FAM177B: variants seen among roughly 807,000 people sequenced by gnomAD.
The protein encoded by FAM177B is protein FAM177B.
A neutral mutation model predicts 16.1 loss-of-function variants in FAM177B; 16 were observed. The observed-to-expected ratio is 0.99, with a 90% CI of 0.67 to 1.51. The LOEUF (loss-of-function observed/expected upper bound fraction) is 1.51, where lower values mean the gene tolerates loss of function less well. FAM177B is among the 40% of genes most tolerant of loss of function. FAM177B has a pLI of 0.00. For missense variants in FAM177B, 178 were observed against 183.7 expected (o/e 0.97, Z 0.18); for synonymous variants, 56 against 59.9 (o/e 0.93, Z 0.30).
intron 2 of FAM177B, among the ~76,000 whole-genome samples, chr1:222,740,351 C>T (rs1392984922): frequency 6.6e-6 from 1 of 152,098 alleles, no homozygotes; most frequent in Non-Finnish European, 1.5e-5. Context: ...GACTGACAGT[C>T]CATTTGCATT....
rs767614493 is a variant in FAM177B at position 222,743,986 on chromosome 1, AC to A, written c.-15-2540del. Among the ~76,000 whole-genome samples the A allele has an allele frequency of 2.0e-5, 3 of 151,346 alleles. No individual in the cohort carries two copies. The East Asian group carries it at 5.9e-4, about 30-fold the overall frequency. ...ATCTAGGCTGGCTGACTTGCTTTCAACCCCCTGCCCCTCTCTCTCTCATCTC... is the reference window on the plus strand; with the variant it reads ...ATCTAGGCTGGCTGACTTGCTTTCAACCCCTGCCCCTCTCTCTCTCATCTC... On this transcript the variant is annotated intron_variant, in intron 2 of 5. Transcript: ENST00000445590.
chr1:222,740,907 GC>G (rs1314877596), intron 2 of FAM177B, among the ~76,000 whole-genome samples: 1 of 152,048 alleles, frequency 6.6e-6, no homozygotes, highest in Non-Finnish European at 1.5e-5. Context: ...CACCGTGTTA[GC>G]CAGGATGGTC....
intron 2 of FAM177B, among the ~76,000 whole-genome samples, chr1:222,742,062 TCTGTAA>T (rs150699132): frequency 5.8e-4 from 88 of 151,840 alleles, no homozygotes; most frequent in South Asian, 2.3e-3. Context: ...CACCTCAACC[TCTGTAA>T]CTGCTAGGAT....
intron 1 of FAM177B, among the ~76,000 whole-genome samples, chr1:222,737,620 G>T (rs1056675088): frequency 2.0e-5 from 3 of 152,132 alleles, no homozygotes; most frequent in East Asian, 1.9e-4. Flanking sequence ...AGCTCGTAGG[G>T]GTTAGGTATA....
chr1:222,750,488 C>A lies in FAM177B; in HGVS notation c.*430C>A, dbSNP rs754680683. The A allele has an allele frequency of 1.8e-4, 179 of 991,748 alleles. No individual in the cohort carries two copies. Among genetic ancestry groups the A allele is most frequent in the Non-Finnish European group, 2.1e-4 (177 of 834,588 alleles). The allele number at this position is 991,748 out of a possible 1,614,324, so 61.4% of individuals were successfully genotyped here. On this transcript the variant is annotated 3_prime_UTR_variant, in exon 6 of 6. Transcript: ENST00000445590. ...GGCACCGCAAAGTCTAAATAAATCC[C>A]CTTTCAGGATTTGATATAGTGTGTA...
chr1:222,744,540 A>G (rs1658705475), intron 2 of FAM177B, among the ~76,000 whole-genome samples: 1 of 152,058 alleles, frequency 6.6e-6, no homozygotes, highest in East Asian at 1.9e-4. Flanking sequence ...ACTGCCTGAC[A>G]TATACACTGC....
At chr1:222,746,880 C>A in intron 3 of FAM177B, 135 bp from the exon 4 acceptor site, 2 of 882,286 alleles carry the variant, frequency 2.3e-6, no homozygotes, top group Non-Finnish European at 3.6e-6. Context: ...CAATTTTAAT[C>A]ATCTTGGTCT....
chr1:222,743,877 A>G (rs1202878625), intron 2 of FAM177B, among the ~76,000 whole-genome samples: 1 of 152,104 alleles, frequency 6.6e-6, no homozygotes, highest in Non-Finnish European at 1.5e-5. Context: ...TCCAGCTCCA[A>G]GGCCTATATC....
Position 222,746,427 on chromosome 1 carries a change from G to A in FAM177B, c.-15-104G>A. 3.3e-6 allele frequency: 2 copies of A among 610,830 alleles called. 1 individual carries two copies. The highest frequency in any genetic ancestry group is 4.9e-5 in the South Asian group (2 of 40,910). The allele number at this position is 610,830 out of a possible 1,614,324, so 37.8% of individuals were successfully genotyped here. A position where few individuals can be genotyped will look rare whatever the true frequency, so the allele number is the denominator to read the frequency against. On this transcript the variant is annotated intron_variant, in intron 2 of 5. Transcript: ENST00000445590. ...TTGAGGAATCGATGAGGTCACAGGTGTGATTACCTCTGAGTTCTCTGTCTT... is the reference window on the plus strand; with the variant it reads ...TTGAGGAATCGATGAGGTCACAGGTATGATTACCTCTGAGTTCTCTGTCTT...
At chr1:222,741,846 CTTCCTTCCTTCCTTTCTTCT>C (rs1658557040) in intron 2 of FAM177B, among the ~76,000 whole-genome samples, 1 of 131,716 alleles carries the variant, frequency 7.6e-6, no homozygotes, top group African/African-American at 3.0e-5. Flanking sequence ...TTCTTTTTTC[CTTCCTTCCTTCCTTTCTTCT>C]TTCTTTCTTT....
chr1:222,739,894 A>G (rs1658445806), intron 2 of FAM177B: 1 of 152,238 alleles, frequency 6.6e-6, no homozygotes, highest in African/African-American at 2.4e-5. Flanking sequence ...TTTGTTTCCT[A>G]TGGCACTGAT....
intron 2 of FAM177B, among the ~76,000 whole-genome samples, chr1:222,745,404 G>A (rs762250508): frequency 7.2e-5 from 11 of 152,068 alleles, no homozygotes; most frequent in Admixed American, 3.3e-4. Flanking sequence ...TTGAGCTCAG[G>A]AGTTCAAGAC....
intron 4 of FAM177B, among the ~76,000 whole-genome samples, chr1:222,747,618 A>T (rs1004212715): frequency 2.6e-5 from 4 of 152,208 alleles, no homozygotes; most frequent in African/African-American, 4.8e-5. Context: ...CTTGACTTTC[A>T]TCAATTTTTT....
intron 4 of FAM177B, among the ~76,000 whole-genome samples, chr1:222,748,240 T>C (rs1658889382): frequency 6.6e-6 from 1 of 152,098 alleles, no homozygotes; most frequent in South Asian, 2.1e-4. Flanking sequence ...AATGCTGTCT[T>C]CCAGAAAGCT....
intron 5 of FAM177B, 44 bp from the exon 6 acceptor site, chr1:222,749,877 T>C (rs532235828): frequency 3.5e-5 from 56 of 1,607,250 alleles, no homozygotes; most frequent in Non-Finnish European, 4.7e-5. Flanking sequence ...TTCAGAGGTC[T>C]TTGTTTGTAC....
At chr1:222,746,949 T>C in intron 3 of FAM177B, 66 bp from the exon 4 acceptor site, 3 of 1,129,184 alleles carry the variant, frequency 2.7e-6, no homozygotes, top group Non-Finnish European at 2.7e-6. Flanking sequence ...AATCTCTACA[T>C]TAAAACAAAT....
At chr1:222,748,506 G>C (rs1426220228) in intron 4 of FAM177B, among the ~76,000 whole-genome samples, 1 of 152,156 alleles carries the variant, frequency 6.6e-6, no homozygotes, top group Non-Finnish European at 1.5e-5. Context: ...TTGTAGTGGA[G>C]GCATAAAGAT....
intron 2 of FAM177B, among the ~76,000 whole-genome samples, chr1:222,741,998 G>GTC (rs1167017415): frequency 7.2e-5 from 10 of 139,702 alleles, no homozygotes; most frequent in African/African-American, 2.7e-4. Context: ...TAGAGACAAG[G>GTC]TCTCACAGTG....
At chr1:222,745,846 A>G (rs1658771124) in intron 2 of FAM177B, among the ~76,000 whole-genome samples, 1 of 152,180 alleles carries the variant, frequency 6.6e-6, no homozygotes, top group Non-Finnish European at 1.5e-5. Context: ...CCCAGGAGGC[A>G]GAGGTTGCGG....
Sources: allele counts gnomAD v4.1 joint callset (sites outside exome capture counted in the v4.1 genomes callset), GRCh38; gene constraint gnomAD v4.1.1; transcripts MANE v1.5; gene names NCBI Gene and HGNC (gene_info 2026-07-23, HGNC 2026-07-21).